UPF2: variants seen among roughly 807,000 people sequenced by gnomAD.
UPF2 encodes UPF2 regulator of nonsense mediated mRNA decay.
Under a neutral mutation model 141.4 loss-of-function variants are expected in UPF2, and 17 were observed. That is an observed-to-expected ratio of 0.12 (90% CI 0.08 to 0.18). The LOEUF is 0.18. UPF2 is among the 10% of genes least tolerant of loss of function. The pLI is 1.00. For missense variants in UPF2, 1,152 were observed against 1,515.9 expected (o/e 0.76, Z 3.99); for synonymous variants, 540 against 498.0 (o/e 1.08, Z -1.12).
intron 8 of UPF2, among the ~76,000 whole-genome samples, chr10:11,996,020 C>A (rs115984799): frequency 1.3e-5 from 2 of 152,070 alleles, no homozygotes; most frequent in African/African-American, 4.8e-5. Flanking sequence ...AAGCATGCTG[C>A]GCTTCTTCTT....
At chr10:12,023,243 C>T (rs556695860) in intron 3 of UPF2, among the ~76,000 whole-genome samples, 13 of 152,182 alleles carry the variant, frequency 8.5e-5, no homozygotes, top group African/African-American at 3.1e-4. Flanking sequence ...ATAAAGAGCA[C>T]TTAACATTAT....
At chr10:11,944,537 C>G (rs1236879226) in intron 16 of UPF2, among the ~76,000 whole-genome samples, 2 of 152,008 alleles carry the variant, frequency 1.3e-5, no homozygotes, top group African/African-American at 2.4e-5. Flanking sequence ...CCTTTTCCCC[C>G]CAAATGCATT....
At chr10:11,968,601 C>CTT (rs76580775) in intron 9 of UPF2, among the ~76,000 whole-genome samples, 1 of 151,976 alleles carries the variant, frequency 6.6e-6, no homozygotes, top group African/African-American at 2.4e-5. Context: ...AATCACTGTT[C>CTT]TTTTTTATCA....
chr10:11,960,852 G>A (rs1410690439), intron 11 of UPF2, among the ~76,000 whole-genome samples: 1 of 152,052 alleles, frequency 6.6e-6, no homozygotes, highest in Non-Finnish European at 1.5e-5. Context: ...AACACTTTGG[G>A]AGGCCAAGAC....
chr10:12,017,418 T>C (rs1465983591), intron 3 of UPF2, among the ~76,000 whole-genome samples: 1 of 152,198 alleles, frequency 6.6e-6, no homozygotes, highest in Non-Finnish European at 1.5e-5. Flanking sequence ...AAAACAAAAA[T>C]GAACAGTCCT....
At chr10:11,942,923 G>A (rs1358618395) in intron 17 of UPF2, 141 bp downstream of exon 17, 2 of 921,758 alleles carry the variant, frequency 2.2e-6, no homozygotes, top group Non-Finnish European at 3.3e-6. Flanking sequence ...AAAGAAAATG[G>A]TTAGGAAAAC....
intron 1 of UPF2, among the ~76,000 whole-genome samples, chr10:12,037,836 G>A (rs1057236201): frequency 2.0e-5 from 3 of 152,012 alleles, no homozygotes; most frequent in Non-Finnish European, 4.4e-5. Context: ...CTTTACTTCA[G>A]TACTCTATTA....
intron 8 of UPF2, among the ~76,000 whole-genome samples, chr10:11,996,438 C>T (rs1327829200): frequency 1.3e-5 from 2 of 151,982 alleles, no homozygotes; most frequent in African/African-American, 4.8e-5. Context: ...ACCTCCGCCT[C>T]CTGGGTTCAA....
At chr10:12,038,050 CACA>C (rs1269598632) in intron 1 of UPF2, among the ~76,000 whole-genome samples, 2 of 152,092 alleles carry the variant, frequency 1.3e-5, no homozygotes, top group Non-Finnish European at 2.9e-5. Flanking sequence ...TGGTAAAACT[CACA>C]ACAACAACAA....
intron 14 of UPF2, among the ~76,000 whole-genome samples, chr10:11,952,576 G>A (rs1242510669): frequency 1.4e-5 from 2 of 142,062 alleles, no homozygotes; most frequent in Admixed American, 7.8e-5. Flanking sequence ...CCAGGTTCAC[G>A]CCATTCTCCT....
intron 15 of UPF2, among the ~76,000 whole-genome samples, chr10:11,951,817 T>C (rs1833079127): frequency 6.6e-6 from 1 of 152,200 alleles, no homozygotes; most frequent in African/African-American, 2.4e-5. Flanking sequence ...GTGGGTTTTT[T>C]TTCCCCCATC....
chr10:11,999,540 C>CAT (rs1833920903), intron 7 of UPF2, among the ~76,000 whole-genome samples: 3 of 139,870 alleles, frequency 2.1e-5, no homozygotes, highest in African/African-American at 7.9e-5. Context: ...AAAACACACA[C>CAT]AAGAAAAAAA....
chr10:11,951,172 C>G (rs1163915923), intron 15 of UPF2, among the ~76,000 whole-genome samples: 1 of 152,138 alleles, frequency 6.6e-6, no homozygotes, highest in African/African-American at 2.4e-5. Flanking sequence ...AAGCGATTCT[C>G]CTGCCTCAGC....
At position 11,992,752 on chromosome 10, in the gene UPF2, A is replaced by T. The variant is rs1833800593; in HGVS notation, c.1844+4920T>A. On this transcript the variant is annotated intron_variant, in intron 8 of 21. Coordinates refer to ENST00000357604, the MANE Select transcript of UPF2 (RefSeq NM_015542.4). This position sits in a 1 kb window ranked among gnomAD's most constrained non-coding sequence, Gnocchi z 4.1. ...AGTAAAATTCAATTCAATTGTACAT[A>T]AAAGAGACTCAACTAAAATAAAATG... 6.6e-6 allele frequency among the ~76,000 whole-genome samples: 1 copy of T among 152,218 alleles called. No homozygotes were observed. Among genetic ancestry groups the T allele is most frequent in the African/African-American group, 2.4e-5 (1 of 41,448 alleles).
chr10:12,027,326 A>G (rs181773140), intron 3 of UPF2, among the ~76,000 whole-genome samples: 1 of 152,220 alleles, frequency 6.6e-6, no homozygotes, highest in African/African-American at 2.4e-5. Flanking sequence ...TCTGAGTCCA[A>G]TCAAAAGCAA....
At chr10:11,971,785 C>T (rs892099326) in intron 9 of UPF2, among the ~76,000 whole-genome samples, 8 of 151,984 alleles carry the variant, frequency 5.3e-5, no homozygotes, top group Non-Finnish European at 7.4e-5. Context: ...CTCTTCAGGC[C>T]GGGCACAGTG....
chr10:12,033,404 G>A (rs373324353), intron 2 of UPF2, among the ~76,000 whole-genome samples: 42 of 152,124 alleles, frequency 2.8e-4, no homozygotes, highest in African/African-American at 9.6e-4. Context: ...GTGGTGGCAC[G>A]CACCTGTAGT....
rs1406980497 is a variant in UPF2 at position 12,042,176 on chromosome 10, G to A, written c.-19+579C>T. On this transcript the variant is annotated intron_variant, in intron 1 of 21. Transcript: ENST00000357604. This position sits in a 1 kb window ranked among gnomAD's most constrained non-coding sequence, Gnocchi z 5.5. ...TCTCCTACAAACCCCTGCTCTGGTG[G>A]TGTAGGAACCTCTAAACCCACCACA... Among the ~76,000 whole-genome samples the A allele has an allele frequency of 1.3e-5, 2 of 151,652 alleles. No homozygotes were observed. The highest frequency in any genetic ancestry group is 4.8e-5 in the African/African-American group (2 of 41,266).
intron 6 of UPF2, among the ~76,000 whole-genome samples, chr10:12,001,296 C>T (rs143826472): frequency 0.015 from 2,214 of 152,070 alleles, 51 homozygotes; most frequent in African/African-American, 0.05. Context: ...CAGCTGTAAT[C>T]CCAGCTACTT....
Sources: gnomAD v4.1 joint callset for allele counts (sites outside exome capture counted in the v4.1 genomes callset) on GRCh38, gnomAD v4.1.1 for gene constraint, Gnocchi (gnomAD v3.1) non-coding constraint, MANE v1.5 for transcripts, NCBI Gene and HGNC (gene_info 2026-07-23, HGNC 2026-07-21) for gene names.